The following MYT1L variants were observed in gnomAD, a reference collection of about 807,000 sequenced individuals.
MYT1L encodes the protein myelin transcription factor 1 like, also known as myelin transcription factor 1-like protein.
MYT1L carries 12 observed loss-of-function variants against 126.7 expected under a neutral mutation model. That is an observed-to-expected ratio of 0.09 (90% confidence interval 0.06 to 0.15). The LOEUF (loss-of-function observed/expected upper bound fraction) is 0.15, where lower values mean the gene tolerates loss of function less well. Ranked by LOEUF, MYT1L falls within the 10% of genes least tolerant of loss-of-function variation. The probability of loss-of-function intolerance (pLI) is 1.00; values close to 1 mark genes in which losing one functional copy is unlikely to be tolerated. For missense variants in MYT1L, 979 were observed against 1,585.2 expected, an observed-to-expected ratio of 0.62 and a Z score of 6.49; for synonymous variants, 541 against 604.2, an observed-to-expected ratio of 0.90 and a Z score of 1.53.
intron 21 of MYT1L, among the ~76,000 whole-genome samples, chr2:1,830,829 G>T (rs1185968615): frequency 6.6e-6 from 1 of 152,140 alleles, no homozygotes; most frequent in East Asian, 1.9e-4. Context: ...CCTGCTGGCT[G>T]GCTGCGGCCT....
At chr2:1,827,690 T>C (rs2039547240) in intron 21 of MYT1L, 1 of 152,202 alleles carries the variant, frequency 6.6e-6, no homozygotes, top group Admixed American at 6.5e-5. Context: ...TGGAACCTCC[T>C]GAGTGTGCCC....
intron 1 of MYT1L, among the ~76,000 whole-genome samples, chr2:2,317,599 A>G (rs974095923): frequency 6.6e-6 from 1 of 151,958 alleles, no homozygotes; most frequent in Non-Finnish European, 1.5e-5. Flanking sequence ...GAAAATTAAA[A>G]AAGACAAAAA....
chr2:2,310,674 C>T (rs1418259844), intron 1 of MYT1L, among the ~76,000 whole-genome samples: 1 of 152,068 alleles, frequency 6.6e-6, no homozygotes, highest in African/African-American at 2.4e-5. Flanking sequence ...ATTGTGTCTC[C>T]CTCCTTTCAG....
At chr2:1,875,817 G>A (rs2046835611) in intron 18 of MYT1L, among the ~76,000 whole-genome samples, 1 of 152,216 alleles carries the variant, frequency 6.6e-6, no homozygotes, top group Non-Finnish European at 1.5e-5. Context: ...CAAGGGTCCA[G>A]TGAGGAAGAA....
At chr2:2,299,262 T>G (rs892199762) in intron 1 of MYT1L, among the ~76,000 whole-genome samples, 4 of 152,204 alleles carry the variant, frequency 2.6e-5, no homozygotes, top group Non-Finnish European at 5.9e-5. Context: ...CACCCATCAA[T>G]ATGTGGAGAT....
rs547411380 is a variant in MYT1L, at chr2:2,315,863, G to A, written c.-521+15104C>T. Among the ~76,000 whole-genome samples, 3 of 152,200 alleles carry A rather than the reference G, an allele frequency of 2.0e-5. 1 individual carries two copies. Among genetic ancestry groups the A allele is most frequent in the Admixed American group, 1.3e-4 (2 of 15,300 alleles). On this transcript the variant is annotated intron_variant, in intron 1 of 24. Transcript: ENST00000647738. ...TTTTTAATTTCAAATGGATAAAAAT[G>A]TTTCTGCATTTGTTTTCTTTCCAGC...
chr2:2,301,337 T>C (rs918043252), intron 1 of MYT1L, among the ~76,000 whole-genome samples: 4 of 152,342 alleles, frequency 2.6e-5, no homozygotes, highest in Admixed American at 1.3e-4. Context: ...AAACTCTCTT[T>C]GCTCTCCTAT....
chr2:1,994,150 A>G (rs2061648095), intron 5 of MYT1L, among the ~76,000 whole-genome samples: 1 of 152,200 alleles, frequency 6.6e-6, no homozygotes, highest in African/African-American at 2.4e-5. Context: ...AAAGAATCCC[A>G]GTCTCCGTGG....
At chr2:2,118,922 C>A (rs1372168416) in intron 3 of MYT1L, among the ~76,000 whole-genome samples, 2 of 152,244 alleles carry the variant, frequency 1.3e-5, no homozygotes, top group Non-Finnish European at 2.9e-5. Flanking sequence ...CCTAGGAGAA[C>A]AGTGACGGAA....
intron 18 of MYT1L, among the ~76,000 whole-genome samples, chr2:1,858,841 C>T (rs972312796): frequency 6.6e-6 from 1 of 152,246 alleles, no homozygotes; most frequent in Non-Finnish European, 1.5e-5. Flanking sequence ...TGATATTTTC[C>T]AAGCCACCTT....
At chr2:1,829,922 A>G (rs942303895) in intron 21 of MYT1L, among the ~76,000 whole-genome samples, 2 of 152,218 alleles carry the variant, frequency 1.3e-5, no homozygotes, top group African/African-American at 2.4e-5. Context: ...TCCTGTTTCA[A>G]CACAGACTTA....
chr2:2,043,089 G>A (rs967518939), intron 4 of MYT1L, among the ~76,000 whole-genome samples: 4 of 152,080 alleles, frequency 2.6e-5, no homozygotes, highest in Non-Finnish European at 4.4e-5. Context: ...CCCCAAGCCC[G>A]GGGACCTCAC....
chr2:2,248,658 T>C (rs2094578951), intron 2 of MYT1L, among the ~76,000 whole-genome samples: 1 of 152,066 alleles, frequency 6.6e-6, no homozygotes, highest in Admixed American at 6.5e-5. Flanking sequence ...ACAATACATT[T>C]AGAAGATCAT....
intron 4 of MYT1L, among the ~76,000 whole-genome samples, chr2:2,038,222 C>T (rs2067107064): frequency 6.6e-6 from 1 of 152,212 alleles, no homozygotes; most frequent in African/African-American, 2.4e-5. Context: ...AATCATGCCC[C>T]TTTTTATCAC....
intron 21 of MYT1L, among the ~76,000 whole-genome samples, chr2:1,834,220 C>T (rs1407214763): frequency 6.6e-6 from 1 of 152,206 alleles, no homozygotes; most frequent in Non-Finnish European, 1.5e-5. Flanking sequence ...CTCCAAACTC[C>T]AATCTTGACG....
chr2:2,243,986 A>T (rs917756979), intron 2 of MYT1L, among the ~76,000 whole-genome samples: 1 of 152,204 alleles, frequency 6.6e-6, no homozygotes, highest in Non-Finnish European at 1.5e-5. Flanking sequence ...TTTTTGAATG[A>T]CTAAATTCCA....
intron 2 of MYT1L, among the ~76,000 whole-genome samples, chr2:2,273,192 G>T (rs1452880937): frequency 6.6e-6 from 1 of 152,170 alleles, no homozygotes; most frequent in Non-Finnish European, 1.5e-5. Flanking sequence ...GGCACCAATG[G>T]CCTATTTACT....
intron 1 of MYT1L, among the ~76,000 whole-genome samples, chr2:2,312,064 G>A (rs1337157270): frequency 6.6e-6 from 1 of 152,210 alleles, no homozygotes; most frequent in Non-Finnish European, 1.5e-5. Context: ...GACTGCAGCT[G>A]TAGACTTTAC....
At chr2:2,070,360 C>T (rs373323341) in intron 3 of MYT1L, among the ~76,000 whole-genome samples, 34 of 152,330 alleles carry the variant, frequency 2.2e-4, no homozygotes, top group African/African-American at 6.0e-4. Context: ...TCTCACCCCA[C>T]GTGGAGGCTC....
Sources: gnomAD v4.1 joint callset for allele counts (sites outside exome capture counted in the v4.1 genomes callset) on GRCh38, gnomAD v4.1.1 for gene constraint, MANE v1.5 for transcripts, NCBI Gene and HGNC (gene_info 2026-07-23, HGNC 2026-07-21) for gene names.